The following AQR variants were observed in gnomAD, a reference collection of about 807,000 sequenced individuals.
AQR encodes RNA helicase aquarius.
Under a neutral mutation model 180.5 loss-of-function variants are expected in AQR, and 61 were observed. The observed-to-expected ratio is 0.34, with a 90% confidence interval of 0.28 to 0.42. AQR has a LOEUF of 0.42. AQR is among the 10% of genes least tolerant of loss of function. The pLI is 1.00. For missense variants in AQR, 1,281 were observed against 1,798.3 expected, an observed-to-expected ratio of 0.71 and a Z score of 5.20; for synonymous variants, 551 against 588.8, an observed-to-expected ratio of 0.94 and a Z score of 0.93.
chr15:34,963,131 C>A (rs1437661831), intron 2 of AQR, among the ~76,000 whole-genome samples: 1 of 152,152 alleles, frequency 6.6e-6, no homozygotes. Context: ...ATGTGTGAGC[C>A]ACTGCACAAG....
chr15:34,886,467 G>A, intron 25 of AQR, 59 bp downstream of exon 25: 1 of 1,526,344 alleles, frequency 6.6e-7, no homozygotes, highest in Non-Finnish European at 8.8e-7. Flanking sequence ...ACTCATTCCA[G>A]CTTCCAACTG....
chr15:34,906,489 G>A, intron 18 of AQR, 56 bp downstream of exon 18: 2 of 1,559,186 alleles, frequency 1.3e-6, no homozygotes, highest in Non-Finnish European at 1.7e-6. Context: ...AGGGAAAAAG[G>A]CAAAGAAATT....
chr15:34,951,503 T>C (rs572803260), intron 4 of AQR, among the ~76,000 whole-genome samples: 2 of 152,086 alleles, frequency 1.3e-5, no homozygotes, highest in South Asian at 4.2e-4. Flanking sequence ...AAACCTCGTC[T>C]CTACTAAAAA....
chr15:34,955,139 AAAT>A (rs1451771180), intron 3 of AQR, among the ~76,000 whole-genome samples: 5 of 152,156 alleles, frequency 3.3e-5, no homozygotes, highest in African/African-American at 1.2e-4. Context: ...ATAAATAAAT[AAAT>A]AATAAGTATG....
intron 26 of AQR, 72 bp from the exon 27 acceptor site, chr15:34,882,711 C>A: frequency 7.7e-7 from 1 of 1,290,570 alleles, no homozygotes; most frequent in South Asian, 2.1e-5. Flanking sequence ...ACAATCCAGT[C>A]AGACTTAATT....
chr15:34,932,366 G>A lies in AQR; in HGVS notation c.852C>T (p.Tyr284=). The A allele has an allele frequency of 6.2e-7, 1 of 1,613,870 alleles. No individual in the cohort carries two copies. Among genetic ancestry groups the A allele is most frequent in the Non-Finnish European group, 8.5e-7 (1 of 1,179,902 alleles). Residue 284 remains tyrosine (Y), a synonymous_variant, in exon 11 of 35, where the codon TAC becomes TAT. Transcript: ENST00000156471. ...CTTCTCTACGAACAAGATTGGAAAG[G>A]TAACAGTGAACCAGAAGGTGGGAAT... ...LDDSHLLVHC[Y]LSNLVRREED...
chr15:34,932,567 A>G (rs557730082), intron 10 of AQR, 133 bp from the exon 11 acceptor site: 2 of 606,586 alleles, frequency 3.3e-6, no homozygotes, highest in East Asian at 5.9e-5. Context: ...GACACACTGT[A>G]TACAATGCAA....
chr15:34,906,227 C>T (rs932399192), intron 18 of AQR, among the ~76,000 whole-genome samples: 8 of 151,828 alleles, frequency 5.3e-5, no homozygotes, highest in African/African-American at 1.9e-4. Flanking sequence ...AAAAATTAAC[C>T]GGGCATGGTC....
chr15:34,919,508 T>C (rs1893651128), intron 14 of AQR, among the ~76,000 whole-genome samples: 1 of 152,198 alleles, frequency 6.6e-6, no homozygotes, highest in Non-Finnish European at 1.5e-5. Context: ...TTTCTTTTGT[T>C]GGAACTATTT....
intron 33 of AQR, among the ~76,000 whole-genome samples, 176 bp from the exon 34 acceptor site, chr15:34,860,331 T>TA (rs988515579): frequency 2.6e-5 from 4 of 151,490 alleles, no homozygotes; most frequent in Non-Finnish European, 4.4e-5. Context: ...TCATGAATGT[T>TA]AAAAAAAGAC....
chr15:34,914,251 GTGAA>G (rs1359021028), intron 16 of AQR, among the ~76,000 whole-genome samples: 1 of 152,158 alleles, frequency 6.6e-6, no homozygotes, highest in Non-Finnish European at 1.5e-5. Flanking sequence ...TGATGAAATT[GTGAA>G]TGAAATAGTG....
Position 34,969,712 on chromosome 15 carries a change from C to G in AQR, c.-99G>C, listed in dbSNP as rs984995094. On this transcript the variant is annotated 5_prime_UTR_variant, in exon 1 of 35. Transcript: ENST00000156471. ...CTTAAGTTACTGCCGGGGCGCTTAA[C>G]TCCGCGCCGCACAAACGCTCCGGGC... 7.3e-6 allele frequency: 9 copies of G among 1,230,070 alleles called. No homozygotes were observed. The Admixed American group carries it at 2.3e-4, about 31-fold the overall frequency. 76.2% of individuals were successfully genotyped at this position (1,230,070 alleles called of 1,614,324 possible).
rs989210447 is a variant in AQR, at chr15:34,904,434, G to C, written c.1903C>G (p.Gln635Glu). 1.9e-6 allele frequency: 3 copies of C among 1,612,230 alleles called. No individual in the cohort carries two copies. Among genetic ancestry groups the C allele is most frequent in the Admixed American group, 3.3e-5 (2 of 59,866 alleles). Residue 635 changes from glutamine to glutamate, a missense_variant, in exon 19 of 35, where the codon CAA (glutamine) becomes GAA (glutamate). Physicochemically the swap from Gln to Glu is conservative, Grantham distance 29. This residue lies in a region of AQR where 200 missense variants were observed against 293.4 expected (regional missense o/e 0.68). Coordinates refer to ENST00000156471, the MANE Select transcript of AQR (RefSeq NM_014691.3). ...TGTATAGTATTGGTCATATCTTGTT[G>C]ATACTGGTTTGGATCCAAAAACACT... is the stretch of plus-strand genomic sequence containing the variant. ...FRVFLDPNQYQQDMTNTIQNG... is the reference protein window; with the variant it reads ...FRVFLDPNQYEQDMTNTIQNG...
rs550781537 is a variant in AQR at position 34,873,887 on chromosome 15, T to C, written c.3538A>G (p.Ile1180Val). Residue 1180 changes from isoleucine (I) to valine (V), a missense_variant, in exon 30 of 35, where the codon ATT becomes GTT. Ile to Val is a conservative substitution (Grantham distance 29). Around this residue, in one of 9 missense-constraint regions of AQR, gnomAD observed 197 missense variants for 320.7 expected, o/e 0.61. Transcript: ENST00000156471. ...NAGLLYDFQLINVEDFQGVGE... is the reference protein window; with the variant it reads ...NAGLLYDFQLVNVEDFQGVGE... ...ACTCCTTGAAAATCTTCAACATTAA[T>C]GAGCTGGAAGTCATACAGTAAGCCA... 13 of 1,609,768 alleles carry C rather than the reference T, an allele frequency of 8.1e-6. No individual in the cohort carries two copies. The East Asian group carries it at 1.8e-4, about 22-fold the overall frequency.
intron 24 of AQR, 106 bp from the exon 25 acceptor site, chr15:34,886,767 A>G: frequency 8.5e-7 from 1 of 1,180,242 alleles, no homozygotes; most frequent in South Asian, 1.6e-5. Context: ...GAGGAAAAAA[A>G]ACTAGAAGAT....
intron 4 of AQR, among the ~76,000 whole-genome samples, chr15:34,951,639 C>A (rs1056174435): frequency 5.3e-5 from 8 of 150,784 alleles, no homozygotes; most frequent in Non-Finnish European, 1.5e-5. Context: ...CCACTGCACT[C>A]CAGCCTGGCA....
chr15:34,922,764 T>C (rs1893700526), intron 13 of AQR, among the ~76,000 whole-genome samples: 1 of 151,752 alleles, frequency 6.6e-6, no homozygotes, highest in Non-Finnish European at 1.5e-5. Flanking sequence ...CACCTCAGCC[T>C]CCCAAAGTGC....
intron 4 of AQR, among the ~76,000 whole-genome samples, chr15:34,951,416 G>A (rs1894230176): frequency 6.6e-6 from 1 of 152,158 alleles, no homozygotes; most frequent in African/African-American, 2.4e-5. Flanking sequence ...GCTCATGCCT[G>A]TAATCCCAGC....
chr15:34,898,670 G>A (rs1893283809), intron 20 of AQR, among the ~76,000 whole-genome samples: 1 of 152,282 alleles, frequency 6.6e-6, no homozygotes, highest in South Asian at 2.1e-4. Context: ...GAATCACGAG[G>A]TCAGGAGATC....
Sources: gnomAD v4.1 joint callset for allele counts (sites outside exome capture counted in the v4.1 genomes callset) on GRCh38, gnomAD v4.1.1 for gene constraint, gnomAD v4.1.1 regional missense constraint, MANE v1.5 for transcripts, NCBI Gene and HGNC (gene_info 2026-07-23, HGNC 2026-07-21) for gene names.